PCDH9: variants seen among roughly 807,000 people sequenced by gnomAD.
PCDH9 encodes protocadherin-9.
A neutral mutation model predicts 70.6 loss-of-function variants in PCDH9; 24 were observed. The observed-to-expected ratio is 0.34, with a 90% CI of 0.25 to 0.48. The LOEUF (loss-of-function observed/expected upper bound fraction) is 0.48, where lower values mean the gene tolerates loss of function less well. Ranked by LOEUF, PCDH9 falls within the 20% of genes least tolerant of loss-of-function variation. PCDH9 has a pLI of 0.99. For synonymous variants in PCDH9, 562 were observed against 558.5 expected (o/e 1.01, Z -0.09); for missense variants, 1,281 against 1,503.6 (o/e 0.85, Z 2.45).
intron 3 of PCDH9, among the ~76,000 whole-genome samples, chr13:66,802,526 TATTC>T (rs1307214941): frequency 6.6e-6 from 1 of 152,070 alleles, no homozygotes; most frequent in Non-Finnish European, 1.5e-5. Flanking sequence ...TGGAGAATCT[TATTC>T]AACTGAAAAA....
rs147369158 is a variant in PCDH9 at position 66,762,929 on chromosome 13, A to C, written c.3139-131518T>G. On this transcript the variant is annotated intron_variant, in intron 3 of 4. Coordinates refer to ENST00000377865, the MANE Select transcript of PCDH9 (RefSeq NM_203487.3). ...ATTTAAATTCAGAAAGATTCAAAGC[A>C]AGCGTATGGTAAATCATTTTTCAAA... 1.2e-3 allele frequency among the ~76,000 whole-genome samples: 175 copies of C among 152,106 alleles called. 1 individual carries two copies. Among genetic ancestry groups the C allele is most frequent in the African/African-American group, 4.0e-3 (167 of 41,440 alleles).
intron 4 of PCDH9, among the ~76,000 whole-genome samples, chr13:66,414,670 G>A (rs1333974604): frequency 1.3e-5 from 2 of 152,030 alleles, no homozygotes; most frequent in African/African-American, 2.4e-5. Flanking sequence ...CTGAAAATGC[G>A]GAACATATGT....
At chr13:66,715,608 T>C (rs1204922676) in intron 3 of PCDH9, among the ~76,000 whole-genome samples, 1 of 152,200 alleles carries the variant, frequency 6.6e-6, no homozygotes, top group East Asian at 1.9e-4. Flanking sequence ...ATGATACACA[T>C]ATATAATTCA....
chr13:66,392,684 T>C (rs1053966800), intron 4 of PCDH9, among the ~76,000 whole-genome samples: 2 of 152,238 alleles, frequency 1.3e-5, no homozygotes, highest in Non-Finnish European at 2.9e-5. Flanking sequence ...GTGGCTTGAA[T>C]TGCACTCTCA....
At chr13:67,036,239 GT>G (rs2085006709) in intron 2 of PCDH9, among the ~76,000 whole-genome samples, 2 of 152,144 alleles carry the variant, frequency 1.3e-5, no homozygotes, top group African/African-American at 4.8e-5. Context: ...TGAAGAAAAT[GT>G]TTTAGGTACA....
chr13:66,756,578 A>G (rs2079541152), intron 3 of PCDH9, among the ~76,000 whole-genome samples: 1 of 152,154 alleles, frequency 6.6e-6, no homozygotes, highest in Non-Finnish European at 1.5e-5. Flanking sequence ...ATCTGAATCT[A>G]CAGCTGCATG....
At chr13:66,412,443 C>A (rs898715807) in intron 4 of PCDH9, among the ~76,000 whole-genome samples, 1 of 152,158 alleles carries the variant, frequency 6.6e-6, no homozygotes, top group Non-Finnish European at 1.5e-5. Flanking sequence ...GTAAGCCGGG[C>A]AAGGACAGAC....
chr13:66,730,754 C>T (rs749808345), intron 3 of PCDH9, among the ~76,000 whole-genome samples: 26 of 151,028 alleles, frequency 1.7e-4, no homozygotes, highest in Non-Finnish European at 3.5e-4. Flanking sequence ...TTATAGCTCA[C>T]TGCGTCCTTG....
chr13:66,970,626 GAA>G (rs767546503), intron 2 of PCDH9, among the ~76,000 whole-genome samples: 25 of 53,374 alleles, frequency 4.7e-4, no homozygotes, highest in Non-Finnish European at 6.5e-4. Flanking sequence ...GACCCTGTCT[GAA>G]AAAAAAAAAA....
chr13:66,549,330 A>G (rs1961364505), intron 4 of PCDH9, among the ~76,000 whole-genome samples: 1 of 152,148 alleles, frequency 6.6e-6, no homozygotes, highest in Admixed American at 6.5e-5. Context: ...TTGCTTTATG[A>G]TGGTAGAATT....
At chr13:66,384,405 G>GA (rs930321696) in intron 4 of PCDH9, among the ~76,000 whole-genome samples, 1 of 151,742 alleles carries the variant, frequency 6.6e-6, no homozygotes, top group Non-Finnish European at 1.5e-5. Flanking sequence ...TGTTCTATCA[G>GA]AAAAAAAATT....
intron 2 of PCDH9, among the ~76,000 whole-genome samples, chr13:66,908,398 C>A (rs767833586): frequency 6.6e-6 from 1 of 152,148 alleles, no homozygotes; most frequent in Admixed American, 6.5e-5. Context: ...GAGGATAAAA[C>A]TGAGTACTTC....
At chr13:67,170,566 T>C (rs1234240427) in intron 2 of PCDH9, among the ~76,000 whole-genome samples, 1 of 152,178 alleles carries the variant, frequency 6.6e-6, no homozygotes, top group African/African-American at 2.4e-5. Flanking sequence ...TTGCCATATA[T>C]CATTAGAATG....
chr13:66,923,470 A>T (rs77104578), intron 2 of PCDH9, among the ~76,000 whole-genome samples: 4,133 of 151,684 alleles, frequency 0.027, 193 homozygotes, highest in African/African-American at 0.094. Context: ...TAAAATATCT[A>T]ATTTATATAA....
chr13:66,848,841 T>C (rs1229215612), intron 3 of PCDH9, among the ~76,000 whole-genome samples: 2 of 141,842 alleles, frequency 1.4e-5, no homozygotes, highest in Non-Finnish European at 3.0e-5. Flanking sequence ...GGCAGGAGAA[T>C]GGCGTGAACC....
At chr13:66,341,819 G>A (rs992984433) in intron 4 of PCDH9, among the ~76,000 whole-genome samples, 1 of 152,186 alleles carries the variant, frequency 6.6e-6, no homozygotes, top group Non-Finnish European at 1.5e-5. Context: ...GCAGAACAGA[G>A]GCAGACTGGA....
intron 3 of PCDH9, among the ~76,000 whole-genome samples, chr13:66,759,486 C>T (rs1428815734): frequency 6.6e-6 from 1 of 152,016 alleles, no homozygotes; most frequent in Admixed American, 6.6e-5. Flanking sequence ...TACATTAAAT[C>T]TAATGATTGG....
intron 3 of PCDH9, among the ~76,000 whole-genome samples, chr13:66,832,745 T>C (rs1203661463): frequency 6.6e-6 from 1 of 152,162 alleles, no homozygotes; most frequent in Non-Finnish European, 1.5e-5. Context: ...AAATAGCTGT[T>C]AATGTCAATT....
intron 2 of PCDH9, among the ~76,000 whole-genome samples, chr13:67,006,082 T>C (rs1251089916): frequency 1.3e-5 from 2 of 151,994 alleles, no homozygotes; most frequent in African/African-American, 2.4e-5. Flanking sequence ...AAAAAATTAG[T>C]CGGGCCTGGC....
Sources: gnomAD v4.1 joint callset for allele counts (sites outside exome capture counted in the v4.1 genomes callset) on GRCh38, gnomAD v4.1.1 for gene constraint, MANE v1.5 for transcripts, NCBI Gene and HGNC (gene_info 2026-07-23, HGNC 2026-07-21) for gene names.